SPIDR: variants seen among roughly 807,000 people sequenced by gnomAD.
The protein encoded by SPIDR is DNA repair-scaffolding protein.
SPIDR carries 93 observed loss-of-function variants against 104.6 expected under a neutral mutation model. The ratio of observed to expected loss-of-function variants is 0.89; its 90% confidence interval spans 0.75 to 1.06. SPIDR has a LOEUF of 1.06. Among genes scored for constraint, SPIDR ranks in the 50% least tolerant of loss-of-function variants. The pLI is 0.00. For synonymous variants in SPIDR, 431 were observed against 416.9 expected (o/e 1.03, Z -0.41); for missense variants, 1,154 against 1,111.2 (o/e 1.04, Z -0.55).
chr8:47,271,315 C>T (rs2035274997), intron 1 of SPIDR, among the ~76,000 whole-genome samples: 2 of 152,228 alleles, frequency 1.3e-5, no homozygotes, highest in Middle Eastern at 3.4e-3. Flanking sequence ...CTCTGTCTCT[C>T]CTTCCTTCTG....
chr8:47,622,828 A>G (rs1167261831), intron 10 of SPIDR, among the ~76,000 whole-genome samples: 1 of 152,200 alleles, frequency 6.6e-6, no homozygotes, highest in Non-Finnish European at 1.5e-5. Context: ...GGTTAGGTCA[A>G]GCCCATAATA....
chr8:47,293,875 C>A lies in SPIDR; in HGVS notation c.370C>A (p.Gln124Lys). ...TLSQLQRDEL[Q>K]FIDWEIDSDR... ...AAAATTATATTTTTTAGATGAATTA[C>A]AGTTTATCGACTGGGAGATTGACAG... The change falls in exon 5 of 20, where the codon CAG becomes AAG. Residue 124 changes from glutamine to lysine, a missense_variant. By Grantham distance (53) the Gln-to-Lys change is moderately conservative (BLOSUM62 1). Coordinates refer to ENST00000297423, the MANE Select transcript of SPIDR (RefSeq NM_001080394.4). 2.5e-6 allele frequency: 4 copies of A among 1,604,316 alleles called. No homozygotes were observed. The East Asian group carries it at 8.9e-5, about 36-fold the overall frequency.
intron 8 of SPIDR, among the ~76,000 whole-genome samples, chr8:47,549,188 G>A (rs2090018033): frequency 6.6e-6 from 1 of 152,152 alleles, no homozygotes; most frequent in Non-Finnish European, 1.5e-5. Context: ...ATTTGGGTTG[G>A]TTCCAAGTCT....
chr8:47,321,538 C>A (rs538462382), intron 5 of SPIDR, among the ~76,000 whole-genome samples: 16 of 152,272 alleles, frequency 1.1e-4, no homozygotes, highest in African/African-American at 3.6e-4. Flanking sequence ...TTTATAGATT[C>A]AGTGCGATCC....
At chr8:47,400,356 G>A (rs1157200719) in intron 6 of SPIDR, among the ~76,000 whole-genome samples, 2 of 152,200 alleles carry the variant, frequency 1.3e-5, no homozygotes, top group Non-Finnish European at 2.9e-5. Context: ...ACTAAATGAG[G>A]ATGTCTGTTT....
At chr8:47,475,192 T>G (rs1194741649) in intron 8 of SPIDR, among the ~76,000 whole-genome samples, 6 of 152,230 alleles carry the variant, frequency 3.9e-5, no homozygotes, top group African/African-American at 1.4e-4. Context: ...TGAATGTAGC[T>G]GAGTTCGTAT....
chr8:47,600,161 C>G (rs1179495158), intron 10 of SPIDR, among the ~76,000 whole-genome samples: 2 of 152,212 alleles, frequency 1.3e-5, no homozygotes, highest in East Asian at 3.8e-4. Context: ...GCTACTTCAT[C>G]AGTTTGGTTT....
chr8:47,518,073 A>T (rs942181367), intron 8 of SPIDR, among the ~76,000 whole-genome samples: 3 of 152,176 alleles, frequency 2.0e-5, no homozygotes, highest in Non-Finnish European at 2.9e-5. Flanking sequence ...TAATACTTTT[A>T]AAAAATATTT....
At chr8:47,561,573 C>A (rs1292514894) in intron 8 of SPIDR, among the ~76,000 whole-genome samples, 1 of 152,180 alleles carries the variant, frequency 6.6e-6, no homozygotes, top group African/African-American at 2.4e-5. Context: ...ACTTTTAAAT[C>A]CATTGGCTTT....
chr8:47,728,861 A>G, intron 17 of SPIDR, 72 bp from the exon 18 acceptor site: 5 of 1,516,472 alleles, frequency 3.3e-6, no homozygotes, highest in Non-Finnish European at 4.4e-6. Flanking sequence ...GTTTAAGAAA[A>G]TGTCTCCCAC....
At chr8:47,374,580 G>A (rs1009342626) in intron 5 of SPIDR, among the ~76,000 whole-genome samples, 8 of 152,170 alleles carry the variant, frequency 5.3e-5, no homozygotes, top group African/African-American at 7.2e-5. Context: ...CTTCATGTCT[G>A]TCAGAAGAGA....
chr8:47,413,487 G>A (rs1361816400), intron 7 of SPIDR, among the ~76,000 whole-genome samples: 2 of 152,228 alleles, frequency 1.3e-5, no homozygotes, highest in Non-Finnish European at 2.9e-5. Flanking sequence ...GTTTCCTCTT[G>A]ATCTTGCTAG....
intron 5 of SPIDR, among the ~76,000 whole-genome samples, chr8:47,394,189 C>A (rs1588125398): frequency 6.6e-6 from 1 of 152,060 alleles, no homozygotes; most frequent in Non-Finnish European, 1.5e-5. Context: ...TTACACCCAC[C>A]CAGCCAGAAA....
chr8:47,572,629 C>T (rs1434543757), intron 8 of SPIDR, among the ~76,000 whole-genome samples: 4 of 151,458 alleles, frequency 2.6e-5, no homozygotes, highest in Non-Finnish European at 5.9e-5. Context: ...GCCACTGCCA[C>T]TCCTGCCTGG....
intron 8 of SPIDR, among the ~76,000 whole-genome samples, chr8:47,557,617 G>C (rs1287150346): frequency 6.6e-6 from 1 of 152,178 alleles, no homozygotes. Flanking sequence ...GGCAAAAACA[G>C]GTGTTGGCTG....
chr8:47,555,620 A>C (rs1443103483), intron 8 of SPIDR, among the ~76,000 whole-genome samples: 2 of 152,202 alleles, frequency 1.3e-5, no homozygotes, highest in African/African-American at 4.8e-5. Flanking sequence ...ATTTTGATGG[A>C]GGTGCTAATA....
chr8:47,294,736 TC>T, intron 5 of SPIDR, among the ~76,000 whole-genome samples: 1 of 152,330 alleles, frequency 6.6e-6, no homozygotes, highest in Non-Finnish European at 1.5e-5. Flanking sequence ...GCTCAAGTGA[TC>T]CTCTCACCTC....
intron 7 of SPIDR, among the ~76,000 whole-genome samples, chr8:47,431,145 A>G (rs552660820): frequency 3.0e-4 from 46 of 152,316 alleles, no homozygotes; most frequent in Non-Finnish European, 5.7e-4. Flanking sequence ...TACTGGTTTT[A>G]GGCAGTCGCC....
chr8:47,559,863 C>T (rs1332805278), intron 8 of SPIDR, among the ~76,000 whole-genome samples: 2 of 152,214 alleles, frequency 1.3e-5, no homozygotes, highest in African/African-American at 4.8e-5. Context: ...TTAACAAACA[C>T]AAACAGAAAC....
Sources: allele counts gnomAD v4.1 joint callset (sites outside exome capture counted in the v4.1 genomes callset), GRCh38; gene constraint gnomAD v4.1.1; transcripts MANE v1.5; gene names NCBI Gene and HGNC (gene_info 2026-07-23, HGNC 2026-07-21).